MME: variants seen among roughly 807,000 people sequenced by gnomAD.
MME encodes the protein membrane metalloendopeptidase.
MME carries 98 observed loss-of-function variants against 113.2 expected under a neutral mutation model. That is an observed-to-expected ratio of 0.87 (90% CI 0.74 to 1.02). MME has a LOEUF of 1.02. Among genes scored for constraint, MME ranks in the 50% least tolerant of loss-of-function variants. The pLI is 0.00. For missense variants in MME, 836 were observed against 896.0 expected (o/e 0.93, Z 0.86); for synonymous variants, 292 against 300.6 (o/e 0.97, Z 0.30).
At chr3:155,148,759 A>G (rs1721713522) in intron 16 of MME, 106 bp downstream of exon 16, 7 of 801,920 alleles carry the variant, frequency 8.7e-6, no homozygotes, top group Non-Finnish European at 1.5e-5. Context: ...ATTAAAAAGT[A>G]CAAAGTCCTC....
At chr3:155,125,444 CTTTTT>C (rs1165027340) in intron 8 of MME, among the ~76,000 whole-genome samples, 82 of 65,320 alleles carry the variant, frequency 1.3e-3, no homozygotes, top group African/African-American at 4.9e-3. Flanking sequence ...GCTCCTCCTC[CTTTTT>C]TTTTTTTTTT....
At chr3:155,153,525 T>C (rs576162954) in intron 16 of MME, among the ~76,000 whole-genome samples, 2 of 152,310 alleles carry the variant, frequency 1.3e-5, no homozygotes, top group Non-Finnish European at 1.5e-5. Context: ...TTAGAGTTCA[T>C]AGAGCAAACA....
chr3:155,056,356 G>A (rs1713928239), intron 1 of MME, among the ~76,000 whole-genome samples: 1 of 143,070 alleles, frequency 7.0e-6, no homozygotes, highest in African/African-American at 2.6e-5. Context: ...AGTCCCCAGA[G>A]TGTGATGTTC....
At chr3:155,035,541 T>C (rs2108116454) in intron 1 of MME, among the ~76,000 whole-genome samples, 1 of 152,178 alleles carries the variant, frequency 6.6e-6, no homozygotes, top group Middle Eastern at 3.4e-3. Context: ...GAGGGAGTGA[T>C]TTCATATGAA....
chr3:155,141,679 T>TTTTAAA (rs1438481768), intron 10 of MME, among the ~76,000 whole-genome samples: 7 of 152,294 alleles, frequency 4.6e-5, no homozygotes, highest in Non-Finnish European at 1.0e-4. Context: ...AAAGCTTTAT[T>TTTTAAA]TTTAAATTTA....
chr3:155,043,336 C>CTT lies in MME; in HGVS notation c.-11+19023_-11+19024dup, dbSNP rs765866930. Among the ~76,000 whole-genome samples the CTT allele has an allele frequency of 2.7e-4, 39 of 143,658 alleles. No homozygotes were observed. The South Asian group carries it at 3.5e-3, about 13-fold the overall frequency. 94.2% of individuals were successfully genotyped at this position (143,658 alleles called of 152,430 possible). ...CTTATGAACCTCTTTTTCTTTCTTT[C>CTT]TTTTTTTTTTTTGAGACGGAGTTTC... On this transcript the variant is annotated intron_variant, in intron 1 of 22. Coordinates refer to the MME transcript ENST00000492661.
At chr3:155,024,583 A>G (rs1318219131) in intron 1 of MME, among the ~76,000 whole-genome samples, 3 of 152,206 alleles carry the variant, frequency 2.0e-5, no homozygotes, top group Non-Finnish European at 4.4e-5. Flanking sequence ...GAGTAATGCC[A>G]TTCAACCTTA....
At position 155,085,310 on chromosome 3, in the gene MME, C is replaced by G. The variant is rs1373865509; in HGVS notation, c.196+216C>G. 7.2e-6 allele frequency: 3 copies of G among 418,276 alleles called. No homozygotes were observed. In the Admixed American group the frequency reaches 1.2e-4, roughly 17 times the overall value. 25.9% of individuals were successfully genotyped at this position (418,276 alleles called of 1,614,324 possible). A position where few individuals can be genotyped will look rare whatever the true frequency, so the allele number is the denominator to read the frequency against. On this transcript the variant is annotated intron_variant, in intron 3 of 22. Coordinates refer to ENST00000360490, the MANE Select transcript of MME (RefSeq NM_007289.4). ...ATATATTACTATTTTCAGCCCTGGG[C>G]TGTATAGCAGGGCAATAGAAAACTA...
At chr3:155,063,593 A>C (rs1714259914) in intron 1 of MME, among the ~76,000 whole-genome samples, 1 of 120,814 alleles carries the variant, frequency 8.3e-6, no homozygotes, top group Non-Finnish European at 1.6e-5. Flanking sequence ...TATATAATAA[A>C]TATATTATAT....
intron 1 of MME, among the ~76,000 whole-genome samples, chr3:155,034,021 T>C (rs1713055306): frequency 6.6e-6 from 1 of 152,176 alleles, no homozygotes; most frequent in Admixed American, 6.5e-5. Flanking sequence ...ACTAGGTCAA[T>C]TGCCTTAAGA....
At chr3:155,069,741 C>G (rs1008397663) in intron 1 of MME, among the ~76,000 whole-genome samples, 1 of 152,104 alleles carries the variant, frequency 6.6e-6, no homozygotes, top group African/African-American at 2.4e-5. Flanking sequence ...CAGGAAGAAA[C>G]TCACTGGGTT....
chr3:155,160,442 C>T lies in MME; in HGVS notation c.1654C>T (p.Gln552Ter), dbSNP rs1437466970. 6.3e-7 allele frequency: 1 copy of T among 1,595,734 alleles called. No individual in the cohort carries two copies. Among genetic ancestry groups the T allele is most frequent in the Middle Eastern group, 1.7e-4 (1 of 5,962 alleles). Residue 552 changes from glutamine (Q) to a stop codon, truncating the protein, a stop_gained, in exon 17 of 23, where the codon CAG becomes TAG. Coordinates refer to ENST00000360490, the MANE Select transcript of MME (RefSeq NM_007289.4). LOFTEE classifies it high-confidence loss of function. ...VNAFYSSGRN[Q>*]IVFPAGILQP... ...TGCATTTTACTCTTCAGGAAGAAAT[C>T]AGATAGGTAAGGTGTATTCTTAAAT...
Position 155,168,618 on chromosome 3 carries a change from GA to G in MME, c.1908del (p.Gln637SerfsTer44). 6.2e-7 allele frequency: 1 copy of G among 1,613,814 alleles called. No homozygotes were observed. Among genetic ancestry groups the G allele is most frequent in the Non-Finnish European group, 8.5e-7 (1 of 1,179,834 alleles). ...YGNFSWDLAG[G>X]QHLNGINTLG... ...AACTTTTCCTGGGACCTGGCAGGTG[GA>G]CAGCACGTATGTCATTAGCATTCTC... On this transcript the variant is annotated frameshift_variant, in exon 19 of 23. Coordinates refer to ENST00000360490, the MANE Select transcript of MME (RefSeq NM_007289.4). LOFTEE classifies it high-confidence loss of function.
chr3:155,028,042 T>C (rs1374151168), intron 1 of MME, among the ~76,000 whole-genome samples: 3 of 152,182 alleles, frequency 2.0e-5, no homozygotes, highest in Non-Finnish European at 4.4e-5. Flanking sequence ...GAATTCTGCC[T>C]TCTTTTTAAA....
chr3:155,089,567 C>T (rs1198717789), intron 3 of MME, among the ~76,000 whole-genome samples: 1 of 152,222 alleles, frequency 6.6e-6, no homozygotes, highest in African/African-American at 2.4e-5. Context: ...GCAGGCAGCA[C>T]GGTCACTTAT....
At chr3:155,053,728 A>G (rs1713836015) in intron 1 of MME, among the ~76,000 whole-genome samples, 1 of 152,228 alleles carries the variant, frequency 6.6e-6, no homozygotes, top group Non-Finnish European at 1.5e-5. Flanking sequence ...AAATGGGCTG[A>G]TAGAGCTATT....
At chr3:155,101,839 G>C (rs1384271929) in intron 3 of MME, among the ~76,000 whole-genome samples, 1 of 152,148 alleles carries the variant, frequency 6.6e-6, no homozygotes, top group Non-Finnish European at 1.5e-5. Flanking sequence ...CACTGGGCTA[G>C]TCAAACCACT....
intron 4 of MME, 92 bp from the exon 5 acceptor site, chr3:155,116,387 T>C (rs1199418583): frequency 6.0e-5 from 58 of 969,782 alleles, no homozygotes; most frequent in Non-Finnish European, 6.6e-6. Context: ...GAACCCACTT[T>C]GCAAATGTTA....
intron 20 of MME, 110 bp downstream of exon 20, chr3:155,168,907 A>G: frequency 1.1e-6 from 1 of 903,734 alleles, no homozygotes; most frequent in Middle Eastern, 3.4e-4. Context: ...GCAGTAAATG[A>G]TGAATAGAAA....
Sources: gnomAD v4.1 joint callset for allele counts (sites outside exome capture counted in the v4.1 genomes callset) on GRCh38, gnomAD v4.1.1 for gene constraint, MANE v1.5 for transcripts, NCBI Gene and HGNC (gene_info 2026-07-23, HGNC 2026-07-21) for gene names.